UROS: variants seen among roughly 807,000 people sequenced by gnomAD.
UROS encodes uroporphyrinogen-III synthase.
Under a neutral mutation model 33.0 loss-of-function variants are expected in UROS, and 18 were observed. The observed-to-expected ratio is 0.55, with a 90% CI of 0.38 to 0.81. UROS has a LOEUF of 0.81. Among genes scored for constraint, UROS ranks in the 30% least tolerant of loss-of-function variants. The pLI is 0.00. For missense variants in UROS, 293 were observed against 314.9 expected (o/e 0.93, Z 0.53); for synonymous variants, 114 against 121.1 (o/e 0.94, Z 0.38).
intron 9 of UROS, among the ~76,000 whole-genome samples, 174 bp downstream of exon 9, chr10:125,794,706 G>C (rs188169215): frequency 1.3e-5 from 2 of 152,214 alleles, no homozygotes; most frequent in Non-Finnish European, 2.9e-5. Flanking sequence ...CGGGCTGGGA[G>C]AAGGTGAGCA....
At chr10:125,796,241 G>A in intron 7 of UROS, 53 bp from the exon 8 acceptor site, 2 of 1,550,724 alleles carry the variant, frequency 1.3e-6, no homozygotes, top group South Asian at 1.1e-5. Flanking sequence ...ACACAATGGG[G>A]CCTCCACCAC....
chr10:125,819,977 G>GAA (rs561029025), intron 1 of UROS, among the ~76,000 whole-genome samples: 1 of 145,110 alleles, frequency 6.9e-6, no homozygotes, highest in African/African-American at 2.5e-5. Context: ...AAAAAGAAAA[G>GAA]AAAAAAAAAA....
chr10:125,820,849 G>A (rs1282099807), intron 1 of UROS, among the ~76,000 whole-genome samples: 1 of 152,194 alleles, frequency 6.6e-6, no homozygotes, highest in Non-Finnish European at 1.5e-5. Flanking sequence ...GATAAATTCT[G>A]AGCTAAAGAT....
intron 9 of UROS, chr10:125,792,692 G>A (rs1851032891): frequency 6.6e-6 from 1 of 152,218 alleles, no homozygotes. Flanking sequence ...ATCTTTTGTG[G>A]TGCGCCTGCA....
chr10:125,802,911 G>T, intron 6 of UROS: 6 of 1,603,414 alleles, frequency 3.7e-6, no homozygotes, highest in Non-Finnish European at 5.1e-6. Context: ...TTTCCCCACC[G>T]CCTTGCCACC....
intron 4 of UROS, among the ~76,000 whole-genome samples, chr10:125,813,134 A>T (rs537058244): frequency 6.6e-6 from 1 of 152,340 alleles, no homozygotes; most frequent in Admixed American, 6.5e-5. Context: ...GCATGTAAAC[A>T]AACTACTTTC....
chr10:125,814,670 G>C (rs1853138165), intron 4 of UROS, among the ~76,000 whole-genome samples: 1 of 152,182 alleles, frequency 6.6e-6, no homozygotes, highest in Non-Finnish European at 1.5e-5. Context: ...AGTCAAAGAG[G>C]TGACTGGGTC....
chr10:125,792,060 C>A, intron 9 of UROS: 1 of 151,528 alleles, frequency 6.6e-6, no homozygotes, highest in East Asian at 1.9e-4. Context: ...ACAGTGAGAC[C>A]CCATCTCTAA....
At chr10:125,789,445 G>C (rs2133800189) in intron 9 of UROS, 1 of 985,418 alleles carries the variant, frequency 1.0e-6, no homozygotes, top group South Asian at 2.9e-5. Flanking sequence ...GGCTCTGTGG[G>C]CACAGGGTTG....
chr10:125,819,032 T>G (rs1853610851), intron 1 of UROS, among the ~76,000 whole-genome samples: 1 of 152,220 alleles, frequency 6.6e-6, no homozygotes, highest in Non-Finnish European at 1.5e-5. Flanking sequence ...TCGCCCAGGC[T>G]GGAGTGCAGT....
At chr10:125,786,952 G>A (rs1850648928), downstream of UROS, among the ~76,000 whole-genome samples, 1 of 152,156 alleles carries the variant, frequency 6.6e-6, no homozygotes, top group African/African-American at 2.4e-5. Context: ...GCAAGCCCAG[G>A]CTCCCGACTC....
In UROS at chr10:125,795,123, T is replaced by C. The variant is rs567602989; in HGVS notation, c.562-145A>G. ...GAGTGGTTCCCGGCTGATGCTGGCA[T>C]CCTCTGCTCCAGTGAGGCAGGATTC... On this transcript the variant is annotated intron_variant, in intron 8 of 9. Transcript: ENST00000368797. The C allele has an allele frequency of 9.1e-5, 67 of 733,996 alleles. No homozygotes were observed. The East Asian group carries it at 1.7e-3, about 18-fold the overall frequency. The allele number at this position is 733,996 out of a possible 1,614,324, so 45.5% of individuals were successfully genotyped here.
chr10:125,791,768 A>C (rs909897921), intron 9 of UROS: 1 of 152,190 alleles, frequency 6.6e-6, no homozygotes, highest in African/African-American at 2.4e-5. Flanking sequence ...GGAATAGGTA[A>C]ATCCATGGAG....
chr10:125,802,254 G>A (rs904991377), intron 6 of UROS: 11 of 985,466 alleles, frequency 1.1e-5, no homozygotes, highest in Middle Eastern at 1.0e-3. Flanking sequence ...CCTGAGGAGC[G>A]ATCCCATGGG....
chr10:125,822,241 G>C (rs1352990606), intron 1 of UROS, among the ~76,000 whole-genome samples: 1 of 152,086 alleles, frequency 6.6e-6, no homozygotes, highest in African/African-American at 2.4e-5. Flanking sequence ...TCGCTCTGCA[G>C]TTGGCCGCAG....
chr10:125,815,252 C>A, intron 3 of UROS, 122 bp from the exon 4 acceptor site: 1 of 1,066,696 alleles, frequency 9.4e-7, no homozygotes, highest in Admixed American at 2.0e-5. Flanking sequence ...TTCCTTCCAC[C>A]CATCCCCCCA....
chr10:125,786,212 G>A (rs2133791717), downstream of UROS, among the ~76,000 whole-genome samples: 1 of 151,146 alleles, frequency 6.6e-6, no homozygotes, highest in Middle Eastern at 3.4e-3. Context: ...CTATTAAAAA[G>A]TAGGAATGAA....
intron 1 of UROS, among the ~76,000 whole-genome samples, chr10:125,821,990 G>A (rs1049330408): frequency 2.6e-5 from 4 of 152,148 alleles, no homozygotes; most frequent in Non-Finnish European, 4.4e-5. Flanking sequence ...ACGCCATCTC[G>A]TACTGATGAA....
intron 9 of UROS, chr10:125,792,312 G>A (rs1850998797): frequency 6.6e-6 from 1 of 152,214 alleles, no homozygotes; most frequent in South Asian, 2.1e-4. Flanking sequence ...CTCACATGAT[G>A]CTGCCCCACA....
Sources: gnomAD v4.1 joint callset for allele counts (sites outside exome capture counted in the v4.1 genomes callset) on GRCh38, gnomAD v4.1.1 for gene constraint, MANE v1.5 for transcripts, NCBI Gene and HGNC (gene_info 2026-07-23, HGNC 2026-07-21) for gene names.